Variants in PARD3 observed in about 807,000 individuals in gnomAD.
PARD3 encodes the protein partitioning defective 3 homolog.
A neutral mutation model predicts 155.4 loss-of-function variants in PARD3; 75 were observed. The observed-to-expected ratio is 0.48, with a 90% CI of 0.40 to 0.58. The LOEUF (loss-of-function observed/expected upper bound fraction) is 0.58. Among genes scored for constraint, PARD3 ranks in the 20% least tolerant of loss-of-function variants. The pLI, the probability that PARD3 is intolerant of heterozygous loss-of-function variation, is 0.00. For missense variants in PARD3, 1,642 were observed against 1,721.7 expected, an observed-to-expected ratio of 0.95 and a Z score of 0.82; for synonymous variants, 576 against 610.5, an observed-to-expected ratio of 0.94 and a Z score of 0.83.
chr10:34,572,719 TTGAC>T (rs932322117), intron 2 of PARD3, among the ~76,000 whole-genome samples: 3 of 152,124 alleles, frequency 2.0e-5, no homozygotes, highest in African/African-American at 7.2e-5. Flanking sequence ...AAGTTAATTT[TTGAC>T]TGATCAGCAT....
At chr10:34,326,873 G>T (rs1835083339) in intron 19 of PARD3, among the ~76,000 whole-genome samples, 1 of 152,138 alleles carries the variant, frequency 6.6e-6, no homozygotes, top group Non-Finnish European at 1.5e-5. Flanking sequence ...CTTCATGTTT[G>T]CAAGGCACAA....
chr10:34,255,087 C>G (rs1307003293), intron 22 of PARD3, among the ~76,000 whole-genome samples: 2 of 151,948 alleles, frequency 1.3e-5, no homozygotes, highest in African/African-American at 2.4e-5. Flanking sequence ...CAAAACCCTC[C>G]CCCACAAATT....
intron 19 of PARD3, among the ~76,000 whole-genome samples, chr10:34,327,287 C>T (rs550297701): frequency 1.4e-4 from 22 of 152,160 alleles, no homozygotes; most frequent in Non-Finnish European, 2.8e-4. Flanking sequence ...CAGACAGACG[C>T]ACACAACATG....
At chr10:34,244,874 C>T (rs1424090673) in intron 22 of PARD3, among the ~76,000 whole-genome samples, 1 of 152,094 alleles carries the variant, frequency 6.6e-6, no homozygotes, top group African/African-American at 2.4e-5. Context: ...AAGGCATGGT[C>T]CTTATCCTTA....
intron 1 of PARD3, among the ~76,000 whole-genome samples, chr10:34,699,374 C>A (rs1422866557): frequency 6.6e-6 from 1 of 151,978 alleles, no homozygotes; most frequent in African/African-American, 2.4e-5. Flanking sequence ...ATAAAAATGA[C>A]CTCCTCCCAC....
chr10:34,287,676 G>A (rs1292729564), intron 20 of PARD3, among the ~76,000 whole-genome samples: 2 of 152,164 alleles, frequency 1.3e-5, no homozygotes, highest in Non-Finnish European at 2.9e-5. Flanking sequence ...GAAGGTTTCA[G>A]TTTGCCCACA....
At chr10:34,398,539 G>C (rs1392571851) in intron 7 of PARD3, among the ~76,000 whole-genome samples, 1 of 152,148 alleles carries the variant, frequency 6.6e-6, no homozygotes, top group Non-Finnish European at 1.5e-5. Context: ...GCAAGTAAGA[G>C]AAGATGCAAT....
rs758024697 is a variant in PARD3 at position 34,450,349 on chromosome 10, T to C, written c.682A>G (p.Met228Val). ...ARSSLSASHP[M>V]VGKWLEKQEQ... is the part of the protein sequence containing the mutation. ...TGTTTCTCCAGCCACTTGCCCACCA[T>C]TGGGTGACTGGCACTCAGAGACGAG... The change falls in exon 5 of 25, where the codon ATG (methionine) becomes GTG (valine). Residue 228 changes from methionine (M) to valine (V), a missense_variant. Physicochemically the swap from Met to Val is conservative, Grantham distance 21. Coordinates refer to ENST00000374788, the MANE Select transcript of PARD3 (RefSeq NM_001184785.2). The C allele has an allele frequency of 9.9e-6, 16 of 1,614,016 alleles. No individual in the cohort carries two copies. Among genetic ancestry groups the C allele is most frequent in the South Asian group, 3.3e-5 (3 of 91,056 alleles).
At position 34,205,162 on chromosome 10, in the gene PARD3, GA is replaced by G. The variant is rs142285753; in HGVS notation, c.3419+64494del. 0.011 allele frequency among the ~76,000 whole-genome samples: 1,635 copies of G among 151,912 alleles called. 85 individuals carry two copies. The East Asian group carries it at 0.15, about 14-fold the overall frequency. ...AGTTAGGTGTGTTATACACCTGCTGGAAAAAAAATCTTTGATTTTGTATTTC... is the reference window on the plus strand; with the variant it reads ...AGTTAGGTGTGTTATACACCTGCTGGAAAAAAATCTTTGATTTTGTATTTC... On this transcript the variant is annotated intron_variant, in intron 22 of 24. Transcript: ENST00000374788.
chr10:34,172,850 TAAC>T (rs1434664389), intron 22 of PARD3, among the ~76,000 whole-genome samples: 1 of 151,762 alleles, frequency 6.6e-6, no homozygotes, highest in Non-Finnish European at 1.5e-5. Context: ...GAAATTTACA[TAAC>T]AATATTCACT....
chr10:34,254,628 C>G (rs1188893523), intron 22 of PARD3, among the ~76,000 whole-genome samples: 1 of 151,808 alleles, frequency 6.6e-6, no homozygotes, highest in Non-Finnish European at 1.5e-5. Flanking sequence ...GCAGCTCAAG[C>G]ACATCACCCC....
chr10:34,144,454 A>C (rs1017190059), intron 22 of PARD3, among the ~76,000 whole-genome samples: 16 of 152,132 alleles, frequency 1.1e-4, no homozygotes, highest in Admixed American at 9.2e-4. Flanking sequence ...TGATGGTTTC[A>C]TTGCTTACTT....
At chr10:34,458,723 A>G (rs1402060398) in intron 4 of PARD3, among the ~76,000 whole-genome samples, 1 of 152,212 alleles carries the variant, frequency 6.6e-6, no homozygotes, top group Admixed American at 6.5e-5. Context: ...TTTAACGTTT[A>G]TAAAAAATTA....
chr10:34,401,886 C>G lies in PARD3; in HGVS notation c.746G>C (p.Arg249Pro). 6.2e-7 allele frequency: 1 copy of G among 1,613,586 alleles called. No individual in the cohort carries two copies. Among genetic ancestry groups the G allele is most frequent in the Non-Finnish European group, 8.5e-7 (1 of 1,179,582 alleles). Reference protein sequence around the residue: ...DEDGTEEDNSRVEPVGHADTG... With the variant: ...DEDGTEEDNSPVEPVGHADTG... Reference sequence around the variant, plus strand: ...GTCAGCATGTCCAACAGGTTCAACACGACTGTTATCCTCTTCTGTCCCATC... The same window carrying G: ...GTCAGCATGTCCAACAGGTTCAACAGGACTGTTATCCTCTTCTGTCCCATC... The change falls in exon 6 of 25, where the codon CGT (arginine) becomes CCT (proline). Residue 249 changes from arginine to proline, a missense_variant. Around this residue, in one of 3 missense-constraint regions of PARD3, gnomAD observed 1,529 missense variants for 1,587.3 expected, o/e 0.96. Transcript: ENST00000374788.
intron 22 of PARD3, among the ~76,000 whole-genome samples, chr10:34,168,996 A>G (rs1386921599): frequency 2.6e-5 from 4 of 152,236 alleles, no homozygotes; most frequent in Non-Finnish European, 5.9e-5. Context: ...TGTAGAGTAC[A>G]GAATCTTCTC....
chr10:34,736,765 C>T (rs2094923659), intron 1 of PARD3, among the ~76,000 whole-genome samples: 3 of 152,034 alleles, frequency 2.0e-5, no homozygotes, highest in Non-Finnish European at 4.4e-5. Context: ...ACCTCCACCT[C>T]CCAGGTTCAA....
intron 2 of PARD3, among the ~76,000 whole-genome samples, chr10:34,657,912 C>T (rs1251802220): frequency 6.6e-6 from 1 of 151,792 alleles, no homozygotes; most frequent in Non-Finnish European, 1.5e-5. Flanking sequence ...TTTGGGAGGC[C>T]GAGGTGGGCG....
At chr10:34,282,770 T>C (rs551112089) in intron 21 of PARD3, among the ~76,000 whole-genome samples, 2 of 152,226 alleles carry the variant, frequency 1.3e-5, no homozygotes, top group South Asian at 4.1e-4. Flanking sequence ...GAAACTCTTC[T>C]AGGATAGAAG....
intron 22 of PARD3, among the ~76,000 whole-genome samples, chr10:34,258,830 G>A (rs186358684): frequency 1.3e-5 from 2 of 152,268 alleles, no homozygotes; most frequent in East Asian, 3.9e-4. Context: ...GCCAAGGTGG[G>A]AGGATCGCTT....
Sources: gnomAD v4.1 joint callset for allele counts (sites outside exome capture counted in the v4.1 genomes callset) on GRCh38, gnomAD v4.1.1 for gene constraint, gnomAD v4.1.1 regional missense constraint, MANE v1.5 for transcripts, NCBI Gene and HGNC (gene_info 2026-07-23, HGNC 2026-07-21) for gene names.